Variants in RASEF observed in about 807,000 individuals in gnomAD.
The protein encoded by RASEF is ras and EF-hand domain-containing protein.
In RASEF, 68 loss-of-function variants were observed where a neutral mutation model predicts 90.1. The ratio of observed to expected loss-of-function variants is 0.75; its 90% CI spans 0.62 to 0.92. RASEF has a LOEUF of 0.92. Among genes scored for constraint, RASEF ranks in the 40% least tolerant of loss-of-function variants. The pLI is 0.00. For synonymous variants in RASEF, 331 were observed against 345.2 expected (o/e 0.96, Z 0.46); for missense variants, 949 against 937.2 (o/e 1.01, Z -0.16).
chr9:83,145,458 C>T, the RASEF span, among the ~76,000 whole-genome samples: 1 of 152,048 alleles, frequency 6.6e-6, no homozygotes, highest in African/African-American at 2.4e-5. Context: ...CTGAAAATAA[C>T]CCTGAGTTCG....
the RASEF span, among the ~76,000 whole-genome samples, chr9:83,071,656 T>C: frequency 6.6e-6 from 1 of 152,206 alleles, no homozygotes; most frequent in African/African-American, 2.4e-5. Flanking sequence ...TCTGCCCATC[T>C]TGGCCTCCTG....
At chr9:83,089,877 G>T in the RASEF span, among the ~76,000 whole-genome samples, 1 of 150,200 alleles carries the variant, frequency 6.7e-6, no homozygotes, top group African/African-American at 2.5e-5. Context: ...GTCCTTCTGG[G>T]ACTTTATAGA....
chr9:83,191,512 A>T, the RASEF span, among the ~76,000 whole-genome samples: 2 of 152,318 alleles, frequency 1.3e-5, no homozygotes, highest in East Asian at 3.9e-4. Context: ...TCATCTGACA[A>T]TTGTAAGGTA....
the RASEF span, among the ~76,000 whole-genome samples, chr9:83,167,280 G>A: frequency 6.6e-6 from 1 of 150,790 alleles, no homozygotes; most frequent in Non-Finnish European, 1.5e-5. Flanking sequence ...GACCAGGCTT[G>A]ACCTGAGTGG....
the RASEF span, among the ~76,000 whole-genome samples, chr9:83,112,711 A>G: frequency 2.6e-5 from 4 of 152,126 alleles, no homozygotes; most frequent in Admixed American, 1.3e-4. Context: ...GTATGTTTTA[A>G]AAGGATATTT....
intron 15 of RASEF, among the ~76,000 whole-genome samples, chr9:82,991,970 AGT>A (rs1271328191): frequency 2.0e-5 from 3 of 152,210 alleles, no homozygotes; most frequent in Non-Finnish European, 4.4e-5. Context: ...CACACAATGA[AGT>A]GTTTGTTACA....
At chr9:83,105,498 C>T in the RASEF span, among the ~76,000 whole-genome samples, 9 of 152,126 alleles carry the variant, frequency 5.9e-5, no homozygotes, top group African/African-American at 1.7e-4. Context: ...ATCTAAATTC[C>T]TCTCAGTGTA....
In RASEF at chr9:83,000,323, G is replaced by C; in HGVS notation, c.1576-7C>G. 1 of 1,612,662 alleles carries C rather than the reference G, an allele frequency of 6.2e-7. No homozygotes were observed. The highest frequency in any genetic ancestry group is 8.5e-7 in the Non-Finnish European group (1 of 1,179,486). ...TGTCATCTACCAGGTCTGTCTGGGGGGAAAAGCCACAGTGAATGATAACGG... is the reference window on the plus strand; with the variant it reads ...TGTCATCTACCAGGTCTGTCTGGGGCGAAAAGCCACAGTGAATGATAACGG... On this transcript the variant is annotated splice_polypyrimidine_tract_variant and splice_region_variant and intron_variant, in intron 11 of 16. Coordinates refer to ENST00000376447, the MANE Select transcript of RASEF (RefSeq NM_152573.4).
At chr9:83,074,768 T>C in the RASEF span, among the ~76,000 whole-genome samples, 1 of 152,160 alleles carries the variant, frequency 6.6e-6, no homozygotes, top group African/African-American at 2.4e-5. Context: ...CCCTGCACTG[T>C]AGGAAAAAGG....
In RASEF at chr9:83,000,500, TG is replaced by T; in HGVS notation, c.1507del (p.Gln503LysfsTer27). The T allele has an allele frequency of 6.2e-7, 1 of 1,614,106 alleles. No individual in the cohort carries two copies. Among genetic ancestry groups the T allele is most frequent in the Non-Finnish European group, 8.5e-7 (1 of 1,179,966 alleles). ...DVASVLDWKP[Q>X]GSVSEGSIVS... ...AATGCTGCCTTCACTAACAGACCCT[TG>T]GGGCTTCCAGTCTAAGACGGAAGCC... is the stretch of plus-strand genomic sequence containing the variant. On this transcript the variant is annotated frameshift_variant, in exon 11 of 17. Coordinates refer to ENST00000376447, the MANE Select transcript of RASEF (RefSeq NM_152573.4). LOFTEE classifies it high-confidence loss of function.
chr9:83,066,995 A>G (rs1283427905), upstream of RASEF, among the ~76,000 whole-genome samples: 1 of 152,168 alleles, frequency 6.6e-6, no homozygotes, highest in Admixed American at 6.5e-5. Flanking sequence ...CTTTGCTCCT[A>G]CATCATAAAT....
At chr9:83,197,467 C>T in the RASEF span, among the ~76,000 whole-genome samples, 1 of 152,158 alleles carries the variant, frequency 6.6e-6, no homozygotes, top group African/African-American at 2.4e-5. Context: ...CAGACAAAAT[C>T]ACCTCTTCCT....
At chr9:83,086,118 A>G in the RASEF span, among the ~76,000 whole-genome samples, 1 of 152,170 alleles carries the variant, frequency 6.6e-6, no homozygotes, top group Admixed American at 6.5e-5. Context: ...TCAATTAAGA[A>G]TTATCACCTA....
the RASEF span, among the ~76,000 whole-genome samples, chr9:83,090,760 A>G: frequency 2.5e-3 from 373 of 152,168 alleles, 3 homozygotes; most frequent in African/African-American, 8.5e-3. Context: ...ATTTAAAAGT[A>G]TATAATATGG....
chr9:83,199,224 T>TAA, the RASEF span, among the ~76,000 whole-genome samples: 227 of 118,584 alleles, frequency 1.9e-3, no homozygotes, highest in Non-Finnish European at 2.8e-3. Context: ...AGCCCTAATT[T>TAA]AAAAAAAAAA....
the RASEF span, among the ~76,000 whole-genome samples, chr9:83,196,776 T>C: frequency 6.6e-6 from 1 of 152,324 alleles, no homozygotes; most frequent in Admixed American, 6.5e-5. Flanking sequence ...ACTCCCTAAA[T>C]TTCCCCATCT....
At chr9:83,123,223 G>A in the RASEF span, among the ~76,000 whole-genome samples, 1 of 141,992 alleles carries the variant, frequency 7.0e-6, no homozygotes, top group Non-Finnish European at 1.5e-5. Context: ...CTGGGCTACA[G>A]AGCGAGACTC....
chr9:83,077,688 C>T, the RASEF span, among the ~76,000 whole-genome samples: 3 of 152,170 alleles, frequency 2.0e-5, no homozygotes, highest in African/African-American at 4.8e-5. Context: ...GTGTTATCAT[C>T]ATCATGTGTA....
intron 6 of RASEF, among the ~76,000 whole-genome samples, chr9:83,008,495 A>G (rs1262675922): frequency 6.6e-6 from 1 of 151,400 alleles, no homozygotes; most frequent in Admixed American, 6.6e-5. Context: ...CATCTCTGAG[A>G]CTCTCTTTTC....
Sources: allele counts gnomAD v4.1 joint callset (sites outside exome capture counted in the v4.1 genomes callset), GRCh38; gene constraint gnomAD v4.1.1; transcripts MANE v1.5; gene names NCBI Gene and HGNC (gene_info 2026-07-23, HGNC 2026-07-21).